Variants in RSU1 observed in about 807,000 individuals in gnomAD.
The protein encoded by RSU1 is Ras suppressor protein 1.
Under a neutral mutation model 31.1 loss-of-function variants are expected in RSU1, and 26 were observed. The ratio of observed to expected loss-of-function variants is 0.84; its 90% confidence interval spans 0.61 to 1.16. The LOEUF is 1.16. Ranked by LOEUF, RSU1 falls within the 50% of genes most tolerant of loss-of-function variation. The probability of loss-of-function intolerance (pLI) is 0.00; values close to 1 mark genes in which losing one functional copy is unlikely to be tolerated. For missense variants in RSU1, 320 were observed against 339.1 expected, an observed-to-expected ratio of 0.94 and a Z score of 0.44; for synonymous variants, 164 against 136.3, an observed-to-expected ratio of 1.20 and a Z score of -1.41.
intron 2 of RSU1, among the ~76,000 whole-genome samples, chr10:16,792,474 A>T (rs1001666677): frequency 1.3e-5 from 2 of 151,826 alleles, no homozygotes; most frequent in Non-Finnish European, 2.9e-5. Flanking sequence ...CTCGTGATCC[A>T]CCCGCCTCAG....
At chr10:16,647,783 C>T (rs1834599216) in intron 8 of RSU1, among the ~76,000 whole-genome samples, 1 of 152,084 alleles carries the variant, frequency 6.6e-6, no homozygotes, top group South Asian at 2.1e-4. Context: ...TAAAAAGCTA[C>T]TGAAGTGCAC....
intron 7 of RSU1, among the ~76,000 whole-genome samples, chr10:16,703,688 C>A (rs1835840093): frequency 6.6e-6 from 1 of 152,046 alleles, no homozygotes; most frequent in Non-Finnish European, 1.5e-5. Flanking sequence ...AAAATGAAGG[C>A]TGTAAAACTT....
intron 8 of RSU1, among the ~76,000 whole-genome samples, chr10:16,651,529 A>C (rs1178556396): frequency 1.3e-5 from 2 of 152,248 alleles, no homozygotes; most frequent in Non-Finnish European, 2.9e-5. Flanking sequence ...GAAAAGACTT[A>C]GTTATTAAAA....
chr10:16,774,023 T>A (rs1401560783), intron 3 of RSU1, among the ~76,000 whole-genome samples: 1 of 151,818 alleles, frequency 6.6e-6, no homozygotes. Flanking sequence ...TGGTTATCAA[T>A]TGTATCTGAG....
chr10:16,633,820 T>G (rs1834297351), intron 8 of RSU1, among the ~76,000 whole-genome samples: 1 of 152,096 alleles, frequency 6.6e-6, no homozygotes, highest in African/African-American at 2.4e-5. Flanking sequence ...CAGAGGGCAT[T>G]TGTCCTGCCC....
At chr10:16,752,802 G>C in intron 6 of RSU1, 116 bp downstream of exon 6, 1 of 1,033,640 alleles carries the variant, frequency 9.7e-7, no homozygotes, top group Non-Finnish European at 1.5e-6. Context: ...ACACTATCAG[G>C]AGTAGTGGTT....
At chr10:16,593,941 C>T (rs1256479072) in intron 8 of RSU1, among the ~76,000 whole-genome samples, 1 of 152,228 alleles carries the variant, frequency 6.6e-6, no homozygotes, top group Admixed American at 6.5e-5. Context: ...GCTGGCTGCT[C>T]ACCCATGATG....
intron 7 of RSU1, among the ~76,000 whole-genome samples, chr10:16,706,581 A>G (rs1835908785): frequency 6.6e-6 from 1 of 152,150 alleles, no homozygotes; most frequent in South Asian, 2.1e-4. Context: ...ATTTTAGAAA[A>G]TTTTAGAAAA....
intron 7 of RSU1, among the ~76,000 whole-genome samples, chr10:16,715,707 A>T (rs1436422824): frequency 6.6e-6 from 1 of 152,188 alleles, no homozygotes; most frequent in African/African-American, 2.4e-5. Flanking sequence ...TGACTACTGG[A>T]ACTGTAGCAA....
chr10:16,707,254 C>G (rs1305694636), intron 7 of RSU1, among the ~76,000 whole-genome samples: 1 of 152,064 alleles, frequency 6.6e-6, no homozygotes, highest in African/African-American at 2.4e-5. Context: ...GGATATATAC[C>G]TAGTAATGGA....
intron 7 of RSU1, among the ~76,000 whole-genome samples, chr10:16,731,654 A>T (rs1836514282): frequency 6.6e-6 from 1 of 152,134 alleles, no homozygotes; most frequent in Non-Finnish European, 1.5e-5. Context: ...AACCTTTACT[A>T]TCACTTTGCA....
chr10:16,808,506 AC>A (rs749185652), intron 2 of RSU1, among the ~76,000 whole-genome samples: 7,126 of 138,234 alleles, frequency 0.052, 324 homozygotes, highest in East Asian at 0.27. Flanking sequence ...AAAAAAAAAA[AC>A]AAAGTGAACT....
intron 7 of RSU1, among the ~76,000 whole-genome samples, chr10:16,726,751 C>T (rs544813812): frequency 5.3e-5 from 8 of 151,878 alleles, no homozygotes; most frequent in Admixed American, 6.6e-5. Flanking sequence ...AAAAATGGCC[C>T]GGCTGCCTTC....
chr10:16,758,160 C>T (rs932585980), intron 4 of RSU1, among the ~76,000 whole-genome samples: 8 of 127,944 alleles, frequency 6.3e-5, no homozygotes, highest in African/African-American at 1.6e-4. Flanking sequence ...ACCACCCTGG[C>T]GGGCAGAAAG....
chr10:16,695,273 A>T (rs953387499), intron 7 of RSU1, 118 bp from the exon 8 acceptor site: 7 of 941,796 alleles, frequency 7.4e-6, no homozygotes, highest in Non-Finnish European at 1.1e-5. Context: ...TGCCTCTTGG[A>T]TCATTTGATG....
At chr10:16,739,993 T>A (rs1012083409) in intron 7 of RSU1, among the ~76,000 whole-genome samples, 10 of 152,058 alleles carry the variant, frequency 6.6e-5, no homozygotes, top group African/African-American at 2.4e-4. Context: ...ATCAAAAAAC[T>A]CAATTCATAA....
intron 8 of RSU1, among the ~76,000 whole-genome samples, chr10:16,660,645 CT>C (rs796601054): frequency 0.033 from 2,602 of 79,564 alleles, 92 homozygotes; most frequent in African/African-American, 0.14. Flanking sequence ...CTTGAACTCT[CT>C]TTTTTTTTTT....
At chr10:16,630,045 T>A (rs1386612097) in intron 8 of RSU1, among the ~76,000 whole-genome samples, 1 of 152,148 alleles carries the variant, frequency 6.6e-6, no homozygotes, top group East Asian at 1.9e-4. Context: ...TGGATGCTCT[T>A]TGTTTACTTT....
At chr10:16,712,849 T>C (rs1420544863) in intron 7 of RSU1, among the ~76,000 whole-genome samples, 1 of 152,178 alleles carries the variant, frequency 6.6e-6, no homozygotes, top group African/African-American at 2.4e-5. Flanking sequence ...TTTCCAGTGG[T>C]AGCACTCCCT....
Sources: gnomAD v4.1 joint callset for allele counts (sites outside exome capture counted in the v4.1 genomes callset) on GRCh38, gnomAD v4.1.1 for gene constraint, MANE v1.5 for transcripts, NCBI Gene and HGNC (gene_info 2026-07-23, HGNC 2026-07-21) for gene names.